Variants in THSD7A observed in about 807,000 individuals in gnomAD.
The protein encoded by THSD7A is thrombospondin type-1 domain-containing protein 7A.
In THSD7A, 96 loss-of-function variants were observed where a neutral mutation model predicts 231.3. The ratio of observed to expected loss-of-function variants is 0.41; its 90% CI spans 0.35 to 0.49. THSD7A has a LOEUF of 0.49. Among genes scored for constraint, THSD7A ranks in the 20% least tolerant of loss-of-function variants. The probability of loss-of-function intolerance (pLI) is 0.05; values close to 1 mark genes in which losing one functional copy is unlikely to be tolerated. For missense variants in THSD7A, 2,290 were observed against 2,070.2 expected (o/e 1.11, Z -2.06); for synonymous variants, 940 against 743.3 (o/e 1.26, Z -4.30).
intron 2 of THSD7A, among the ~76,000 whole-genome samples, chr7:11,600,053 C>T (rs1288978900): frequency 6.6e-6 from 1 of 151,972 alleles, no homozygotes; most frequent in Non-Finnish European, 1.5e-5. Flanking sequence ...GCTCTCCTAG[C>T]TCCTCAGCTT....
In THSD7A at chr7:11,698,074, T is replaced by G. The variant is rs2049537; in HGVS notation, c.191-61113A>C. Among the ~76,000 whole-genome samples, 271 of 151,570 alleles carry G rather than the reference T, an allele frequency of 1.8e-3. 1 individual carries two copies. The highest frequency in any genetic ancestry group is 6.3e-3 in the African/African-American group (262 of 41,476). On this transcript the variant is annotated intron_variant, in intron 1 of 27. Coordinates refer to ENST00000423059, the MANE Select transcript of THSD7A (RefSeq NM_015204.3). ...CTATAGACTCTGACGCTTAATATTG[T>G]GGATCTGCTGGCATGTCTGATTCTG...
intron 19 of THSD7A, among the ~76,000 whole-genome samples, chr7:11,407,725 T>C (rs1398978126): frequency 6.6e-6 from 1 of 152,192 alleles, no homozygotes; most frequent in Non-Finnish European, 1.5e-5. Context: ...TGAATTTCCC[T>C]AAATGAGGAA....
At position 11,411,904 on chromosome 7, in the gene THSD7A, AT is replaced by A. The variant is rs140836049; in HGVS notation, c.3683-583del. On this transcript the variant is annotated intron_variant, in intron 18 of 27. Coordinates refer to ENST00000423059, the MANE Select transcript of THSD7A (RefSeq NM_015204.3). This position sits in a 1 kb window ranked among gnomAD's most constrained non-coding sequence, Gnocchi z 4.1. ...ACATAGCACATCCCAGATAACTGTG[AT>A]TTTTTTTTTTTGTATCATCAAAGGA... Among the ~76,000 whole-genome samples the A allele has an allele frequency of 0.25, 37,582 of 147,712 alleles. 5,319 individuals are homozygous for A. Among genetic ancestry groups the A allele is most frequent in the African/African-American group, 0.4 (16,295 of 40,584 alleles).
Position 11,424,712 on chromosome 7 carries a change from G to C in THSD7A, c.3367C>G (p.Gln1123Glu), listed in dbSNP as rs376980376. Residue 1123 changes from glutamine to glutamate, a missense_variant, in exon 16 of 28, where the codon CAA (glutamine) becomes GAA (glutamate). Transcript: ENST00000423059. ...NMRENCGEGV[Q>E]TRKVRCMQNT... ...TTGTCTTACCTCACTTTTCGGGTTTGCACGCCCTCTCCACAGTTCTCCCGC... is the reference window on the plus strand; with the variant it reads ...TTGTCTTACCTCACTTTTCGGGTTTCCACGCCCTCTCCACAGTTCTCCCGC... 2 of 1,613,834 alleles carry C rather than the reference G, an allele frequency of 1.2e-6. No homozygotes were observed. The highest frequency in any genetic ancestry group is 1.3e-5 in the African/African-American group (1 of 74,906).
intron 13 of THSD7A, among the ~76,000 whole-genome samples, chr7:11,442,392 A>T (rs1784833899): frequency 6.6e-6 from 1 of 151,862 alleles, no homozygotes; most frequent in Non-Finnish European, 1.5e-5. Flanking sequence ...AATATGATCC[A>T]CAGATAGACA....
At chr7:11,810,271 G>A (rs530550143) in intron 1 of THSD7A, among the ~76,000 whole-genome samples, 6 of 152,198 alleles carry the variant, frequency 3.9e-5, no homozygotes, top group South Asian at 2.1e-4. Context: ...CTGTGCCTTC[G>A]CCATGTGATG....
chr7:11,562,566 T>C (rs965585665), intron 4 of THSD7A, among the ~76,000 whole-genome samples: 1 of 152,202 alleles, frequency 6.6e-6, no homozygotes, highest in African/African-American at 2.4e-5. Flanking sequence ...ATTTGATTGC[T>C]AATTCACAAA....
intron 23 of THSD7A, among the ~76,000 whole-genome samples, chr7:11,401,227 C>T (rs188441903): frequency 2.6e-5 from 4 of 151,944 alleles, no homozygotes; most frequent in Non-Finnish European, 5.9e-5. Context: ...TTGTTATAAG[C>T]GTACAAATAA....
intron 1 of THSD7A, among the ~76,000 whole-genome samples, chr7:11,813,198 G>A (rs1188068286): frequency 6.6e-6 from 1 of 152,044 alleles, no homozygotes; most frequent in East Asian, 1.9e-4. Context: ...ACTTCACTAT[G>A]CGATCAGATT....
Position 11,637,089 on chromosome 7 carries a change from G to T in THSD7A, c.191-128C>A. 1.2e-6 allele frequency: 1 copy of T among 815,576 alleles called. No individual in the cohort carries two copies. The highest frequency in any genetic ancestry group is 1.9e-6 in the Non-Finnish European group (1 of 529,474). 50.5% of individuals were successfully genotyped at this position (815,576 alleles called of 1,614,324 possible). A position where few individuals can be genotyped will look rare whatever the true frequency, so the allele number is the denominator to read the frequency against. On this transcript the variant is annotated intron_variant, in intron 1 of 27. Coordinates refer to ENST00000423059, the MANE Select transcript of THSD7A (RefSeq NM_015204.3). The surrounding 1 kb of genome is among the most constrained non-coding windows in gnomAD (Gnocchi z 4.2). Reference sequence around the variant, plus strand: ...CTGCGGTGTTACAAAGTAGGTCTCTGGACACGACTGTTGGAAAGTAATGAT... The same window carrying T: ...CTGCGGTGTTACAAAGTAGGTCTCTTGACACGACTGTTGGAAAGTAATGAT...
chr7:11,378,431 G>T (rs1476097426), intron 26 of THSD7A, among the ~76,000 whole-genome samples: 5 of 152,298 alleles, frequency 3.3e-5, no homozygotes, highest in Admixed American at 3.3e-4. Flanking sequence ...TCAAGCATTT[G>T]CCTGTATTGG....
Position 11,446,238 on chromosome 7 carries a change from C to T in THSD7A, c.2887G>A (p.Ala963Thr), listed in dbSNP as rs1456863181. ...TQYCPCDKYN[A>T]QPVGNWSDCI... ...TCTGACCAGTTCCCCACAGGTTGTG[C>T]ATTATATTTGTCACAAGGACAATAC... The change falls in exon 13 of 28, where the codon GCA (alanine) becomes ACA (threonine). Residue 963 changes from alanine (A) to threonine (T), a missense_variant. Ala to Thr is a moderately conservative substitution (Grantham distance 58, BLOSUM62 0). Transcript: ENST00000423059. This position sits in a 1 kb window ranked among gnomAD's most constrained non-coding sequence, Gnocchi z 4.0. The T allele has an allele frequency of 6.2e-7, 1 of 1,613,490 alleles. No individual in the cohort carries two copies. Among genetic ancestry groups the T allele is most frequent in the South Asian group, 1.1e-5 (1 of 91,078 alleles).
At chr7:11,735,563 T>TGTAA (rs61614608) in intron 1 of THSD7A, among the ~76,000 whole-genome samples, 32,167 of 151,702 alleles carry the variant, frequency 0.21, 4,712 homozygotes, top group African/African-American at 0.42. Context: ...ATTATGTATA[T>TGTAA]GTATTTCAAA....
chr7:11,762,434 TG>T, intron 1 of THSD7A, among the ~76,000 whole-genome samples: 1 of 152,186 alleles, frequency 6.6e-6, no homozygotes, highest in African/African-American at 2.4e-5. Context: ...CCATTCTGAC[TG>T]GTATGAGATG....
chr7:11,712,294 C>T (rs758120133), intron 1 of THSD7A, among the ~76,000 whole-genome samples: 2 of 150,860 alleles, frequency 1.3e-5, no homozygotes, highest in Non-Finnish European at 3.0e-5. Context: ...ATTCCACAGT[C>T]GAGTACTATA....
At chr7:11,725,680 T>C (rs1402745628) in intron 1 of THSD7A, among the ~76,000 whole-genome samples, 1 of 152,050 alleles carries the variant, frequency 6.6e-6, no homozygotes, top group African/African-American at 2.4e-5. Context: ...GTTAATGGTA[T>C]CTTCCATGTT....
intron 2 of THSD7A, among the ~76,000 whole-genome samples, chr7:11,600,765 G>C (rs1780523753): frequency 6.6e-6 from 1 of 152,150 alleles, no homozygotes; most frequent in Admixed American, 6.5e-5. Context: ...TAGAGATGCT[G>C]GTCCATTTTA....
intron 6 of THSD7A, among the ~76,000 whole-genome samples, chr7:11,502,326 C>CAAA (rs1787369690): frequency 1.3e-5 from 2 of 152,058 alleles, no homozygotes; most frequent in Admixed American, 1.3e-4. Flanking sequence ...ATGGCAGAGA[C>CAAA]ACAACAACAA....
At chr7:11,478,002 G>A (rs1179743540) in intron 7 of THSD7A, among the ~76,000 whole-genome samples, 4 of 151,954 alleles carry the variant, frequency 2.6e-5, no homozygotes, top group Non-Finnish European at 4.4e-5. Flanking sequence ...TTCCAATGCT[G>A]TACCACAGAG....
Sources: gnomAD v4.1 joint callset for allele counts (sites outside exome capture counted in the v4.1 genomes callset) on GRCh38, gnomAD v4.1.1 for gene constraint, Gnocchi (gnomAD v3.1) non-coding constraint, MANE v1.5 for transcripts, NCBI Gene and HGNC (gene_info 2026-07-23, HGNC 2026-07-21) for gene names.